MDN1: variants seen among roughly 807,000 people sequenced by gnomAD.
MDN1 encodes the protein midasin AAA ATPase 1, also known as midasin.
A neutral mutation model predicts 669.2 loss-of-function variants in MDN1; 266 were observed. That is an observed-to-expected ratio of 0.40 (90% CI 0.36 to 0.44). The LOEUF (loss-of-function observed/expected upper bound fraction) is 0.44. MDN1 is among the 20% of genes least tolerant of loss of function. The probability of loss-of-function intolerance (pLI) is 1.00; values close to 1 mark genes in which losing one functional copy is unlikely to be tolerated. For synonymous variants in MDN1, 2,385 were observed against 2,457.1 expected, an observed-to-expected ratio of 0.97 and a Z score of 0.87; for missense variants, 5,940 against 6,754.0, an observed-to-expected ratio of 0.88 and a Z score of 4.22.
chr6:89,664,296 A>T (rs1483591809), intron 85 of MDN1, among the ~76,000 whole-genome samples, 191 bp downstream of exon 85: 1 of 152,188 alleles, frequency 6.6e-6, no homozygotes, highest in African/African-American at 2.4e-5. Context: ...AATCTATGAG[A>T]CACCAGGGAC....
chr6:89,650,740 G>C lies in MDN1; in HGVS notation c.16023C>G (p.Ala5341=). The change falls in exon 96 of 102, where the codon GCC becomes GCG. Residue 5341 remains alanine (A), a synonymous_variant. Transcript: ENST00000369393. ...LRLILEPTQA[A]KLKGDYRTGK... ...CAGAGGGGAAGACTTACTTCAGCTT[G>C]GCTGCCTGGGTAGGCTCTAATATGA... The C allele has an allele frequency of 6.2e-7, 1 of 1,613,648 alleles. No homozygotes were observed. Among genetic ancestry groups the C allele is most frequent in the Non-Finnish European group, 8.5e-7 (1 of 1,179,732 alleles).
intron 44 of MDN1, 140 bp from the exon 45 acceptor site, chr6:89,715,909 T>A (rs764484519): frequency 3.0e-6 from 2 of 672,670 alleles, no homozygotes; most frequent in Admixed American, 2.1e-5. Flanking sequence ...CAGTGATCTC[T>A]TTCAAAAGTA....
In MDN1 at chr6:89,673,342, T is replaced by C; in HGVS notation, c.13368A>G (p.Gln4456=). 1 of 1,614,132 alleles carries C rather than the reference T, an allele frequency of 6.2e-7. No homozygotes were observed. The highest frequency in any genetic ancestry group is 8.5e-7 in the Non-Finnish European group (1 of 1,180,010). Residue 4456 remains glutamine, a synonymous_variant, in exon 80 of 102, where the codon CAA becomes CAG. Transcript: ENST00000369393. ...ATTCCAGACTTTCAACTAGTGCCAT[T>C]TGTGAGTCTCTTTGCTCAACCTCCA... ...PGMEVEQRDS[Q]MALVESLEYV... is the part of the protein sequence containing the mutation.
chr6:89,713,006 C>A, intron 47 of MDN1, 142 bp downstream of exon 47: 1 of 956,172 alleles, frequency 1.0e-6, no homozygotes, highest in South Asian at 1.8e-5. Context: ...AGAAAAGTAC[C>A]TGGATACCAG....
Position 89,819,721 on chromosome 6 carries a change from G to C in MDN1, c.-114C>G. ...GCCAGCAACTACGCCCGCAGGAAAG[G>C]CGTCCTCAGCTCCAGCGCCTACACC... On this transcript the variant is annotated 5_prime_UTR_variant, in exon 1 of 102. Transcript: ENST00000369393. 1.2e-6 allele frequency: 1 copy of C among 800,416 alleles called. No homozygotes were observed. Among genetic ancestry groups the C allele is most frequent in the Non-Finnish European group, 2.1e-6 (1 of 477,220 alleles). 49.6% of individuals were successfully genotyped at this position (800,416 alleles called of 1,614,324 possible). A position where few individuals can be genotyped will look rare whatever the true frequency, so the allele number is the denominator to read the frequency against.
intron 1 of MDN1, among the ~76,000 whole-genome samples, chr6:89,807,101 A>AT (rs2128330308): frequency 6.7e-6 from 1 of 150,124 alleles, no homozygotes; most frequent in African/African-American, 2.4e-5. Context: ...TTTTTATTTT[A>AT]TTTTTTTGGA....
intron 75 of MDN1, among the ~76,000 whole-genome samples, chr6:89,677,925 C>A (rs951621662): frequency 2.0e-5 from 3 of 152,228 alleles, no homozygotes; most frequent in Non-Finnish European, 4.4e-5. Flanking sequence ...AGAAGCACTG[C>A]TCTCTATGCT....
At chr6:89,772,490 T>C (rs755027377) in intron 14 of MDN1, 83 bp downstream of exon 14, 2 of 1,508,752 alleles carry the variant, frequency 1.3e-6, no homozygotes. Context: ...CTCTGTGGTC[T>C]TTGGATTTAG....
rs766944117 is a variant in MDN1, at chr6:89,644,211, T to G, written c.16603-18A>C. 26 of 1,591,314 alleles carry G rather than the reference T, an allele frequency of 1.6e-5. No individual in the cohort carries two copies. The South Asian group carries it at 2.6e-4, about 16-fold the overall frequency. On this transcript the variant is annotated intron_variant, in intron 101 of 101. Coordinates refer to ENST00000369393, the MANE Select transcript of MDN1 (RefSeq NM_014611.3). ...ATAGAATCCTGTCAACAAAAGACAT[T>G]TTGAAATGGGGAGGCAGCGATTAAA...
Position 89,740,213 on chromosome 6 carries a change from TG to T in MDN1, c.4593+20del. ...CTGAGGTCAAAACCTAGAAAGAAAA[TG>T]TGCATCAGTAAAGTTTTACCTCCTT... is the stretch of plus-strand genomic sequence containing the variant. On this transcript the variant is annotated intron_variant, in intron 32 of 101. Coordinates refer to ENST00000369393, the MANE Select transcript of MDN1 (RefSeq NM_014611.3). 6.2e-7 allele frequency: 1 copy of T among 1,609,206 alleles called. No homozygotes were observed. Among genetic ancestry groups the T allele is most frequent in the African/African-American group, 1.3e-5 (1 of 74,614 alleles).
intron 1 of MDN1, chr6:89,815,102 C>A: frequency 2.3e-6 from 1 of 431,056 alleles, no homozygotes; most frequent in South Asian, 2.0e-5. Context: ...GAAGAGGATT[C>A]AGCTGTATGG....
intron 15 of MDN1, among the ~76,000 whole-genome samples, chr6:89,766,023 T>C (rs1276462897): frequency 6.6e-6 from 1 of 152,200 alleles, no homozygotes; most frequent in Non-Finnish European, 1.5e-5. Context: ...GGCCAGGCGC[T>C]GTGGCTCATG....
intron 13 of MDN1, 104 bp from the exon 14 acceptor site, chr6:89,772,825 A>G (rs1818171316): frequency 5.5e-6 from 7 of 1,262,914 alleles, no homozygotes; most frequent in East Asian, 2.4e-5. Flanking sequence ...ATGAGAAAAC[A>G]GCTCACAGTA....
At chr6:89,755,589 G>A (rs767031404) in intron 20 of MDN1, among the ~76,000 whole-genome samples, 2 of 152,046 alleles carry the variant, frequency 1.3e-5, no homozygotes, top group Non-Finnish European at 2.9e-5. Context: ...TATTAAGGAA[G>A]AGAAAAAATA....
chr6:89,729,203 A>C (rs1815420851), intron 35 of MDN1, 64 bp from the exon 36 acceptor site: 1 of 1,334,012 alleles, frequency 7.5e-7, no homozygotes, highest in Admixed American at 2.2e-5. Flanking sequence ...GTATGCATCA[A>C]CTCAAGATTT....
intron 74 of MDN1, among the ~76,000 whole-genome samples, chr6:89,680,033 T>TG (rs945078252): frequency 6.6e-6 from 1 of 152,170 alleles, no homozygotes; most frequent in Non-Finnish European, 1.5e-5. Flanking sequence ...TCACTGCAGT[T>TG]GGGGGGTAGA....
chr6:89,755,191 T>C (rs1817180638), intron 20 of MDN1, among the ~76,000 whole-genome samples: 1 of 152,130 alleles, frequency 6.6e-6, no homozygotes, highest in Non-Finnish European at 1.5e-5. Context: ...TTAGGGTGTG[T>C]TGTGGTAAAC....
intron 88 of MDN1, 107 bp downstream of exon 88, chr6:89,661,324 C>G (rs899622316): frequency 3.1e-5 from 40 of 1,296,232 alleles, no homozygotes; most frequent in African/African-American, 2.2e-4. Flanking sequence ...GCCTACCAAA[C>G]GTGATTTATC....
At chr6:89,783,385 T>TG (rs1035681179) in intron 9 of MDN1, among the ~76,000 whole-genome samples, 3 of 151,900 alleles carry the variant, frequency 2.0e-5, no homozygotes, top group Non-Finnish European at 4.4e-5. Context: ...CTTACTAGGG[T>TG]GGGGAAAAAA....
Sources: allele counts gnomAD v4.1 joint callset (sites outside exome capture counted in the v4.1 genomes callset), GRCh38; gene constraint gnomAD v4.1.1; transcripts MANE v1.5; gene names NCBI Gene and HGNC (gene_info 2026-07-23, HGNC 2026-07-21).